The following DDRGK1 variants were observed in gnomAD, a reference collection of about 807,000 sequenced individuals.
The protein encoded by DDRGK1 is DDRGK domain-containing protein 1.
A neutral mutation model predicts 45.8 loss-of-function variants in DDRGK1; 38 were observed. The ratio of observed to expected loss-of-function variants is 0.83; its 90% CI spans 0.64 to 1.09. DDRGK1 has a LOEUF of 1.09. DDRGK1 is among the 50% of genes least tolerant of loss of function. The pLI is 0.00. For synonymous variants in DDRGK1, 171 were observed against 168.7 expected (o/e 1.01, Z -0.11); for missense variants, 403 against 419.9 (o/e 0.96, Z 0.35).
intron 4 of DDRGK1, 114 bp from the exon 5 acceptor site, chr20:3,195,467 A>G (rs1439272503): frequency 2.1e-6 from 3 of 1,416,606 alleles, no homozygotes; most frequent in Non-Finnish European, 1.9e-6. Flanking sequence ...CTTTTCTCAG[A>G]GACAGAGCTC....
At position 3,197,091 on chromosome 20, in the gene DDRGK1, C is replaced by T. The variant is rs1334518857; in HGVS notation, c.511-1738G>A. ...TACAAAAATTAGCTGGGTGTGGTGG[C>T]GGGTGCCTGTAATCCCAGCTACTCG... On this transcript the variant is annotated intron_variant, in intron 4 of 8. Transcript: ENST00000354488. Among the ~76,000 whole-genome samples, 3 of 151,412 alleles carry T rather than the reference C, an allele frequency of 2.0e-5. No homozygotes were observed. In the East Asian group the frequency reaches 5.8e-4, roughly 30 times the overall value.
At chr20:3,203,679 G>A (rs1045167643) in intron 1 of DDRGK1, among the ~76,000 whole-genome samples, 23 of 152,228 alleles carry the variant, frequency 1.5e-4, no homozygotes, top group Non-Finnish European at 2.5e-4. Context: ...CCTGTCAGGA[G>A]GCCCCTATCC....
intron 2 of DDRGK1, among the ~76,000 whole-genome samples, chr20:3,202,605 C>A (rs74421789): frequency 2.0e-5 from 3 of 152,156 alleles, no homozygotes; most frequent in Non-Finnish European, 2.9e-5. Context: ...CCAGAAGGTA[C>A]GGCAAAGAAA....
Position 3,200,444 on chromosome 20 carries a change from C to T in DDRGK1, c.306G>A (p.Glu102=). 1 of 1,573,132 alleles carries T rather than the reference C, an allele frequency of 6.4e-7. No individual in the cohort carries two copies. Among genetic ancestry groups the T allele is most frequent in the Non-Finnish European group, 8.6e-7 (1 of 1,158,546 alleles). The change falls in exon 3 of 9, where the codon GAG becomes GAA. Residue 102 remains glutamate (E), a synonymous_variant. Coordinates refer to ENST00000354488, the MANE Select transcript of DDRGK1 (RefSeq NM_023935.3). The part of the protein sequence containing the change: ...EEEAVILAQE[E]EGVEKPAETH... ...TTTCCGCTGGCTTCTCGACACCTTCCTCCTCCTGGGCTGGGTATGGTCAAA... is the reference window on the plus strand; with the variant it reads ...TTTCCGCTGGCTTCTCGACACCTTCTTCCTCCTGGGCTGGGTATGGTCAAA...
chr20:3,200,291 G>A (rs1240702018), intron 3 of DDRGK1, 51 bp downstream of exon 3: 3 of 1,532,210 alleles, frequency 2.0e-6, no homozygotes, highest in Non-Finnish European at 2.7e-6. Context: ...GAAAAAGGAA[G>A]GCAGTGCCCT....
chr20:3,194,046 C>G (rs1042250884), intron 6 of DDRGK1, among the ~76,000 whole-genome samples: 15 of 152,326 alleles, frequency 9.8e-5, no homozygotes, highest in Admixed American at 3.9e-4. Context: ...GCATTTCCCC[C>G]ACTTAAGAAC....
chr20:3,203,517 C>T lies in DDRGK1; in HGVS notation c.92-101G>A, dbSNP rs541969074. 1.2e-5 allele frequency: 17 copies of T among 1,395,632 alleles called. No individual in the cohort carries two copies. The African/African-American group carries it at 2.5e-4, about 21-fold the overall frequency. 86.5% of individuals were successfully genotyped at this position (1,395,632 alleles called of 1,614,324 possible). ...AGCCTCACCTCCTCTGCTTAGCGGC[C>T]TGCTGCCCACAGCACAAGGCCCCGA... is the stretch of plus-strand genomic sequence containing the variant. On this transcript the variant is annotated intron_variant, in intron 1 of 8. Transcript: ENST00000354488.
intron 1 of DDRGK1, 106 bp from the exon 2 acceptor site, chr20:3,203,522 G>A (rs2067051452): frequency 7.2e-7 from 1 of 1,383,012 alleles, no homozygotes; most frequent in Non-Finnish European, 9.5e-7. Context: ...GCGGCCTGCT[G>A]CCCACAGCAC....
chr20:3,192,679 C>T (rs1384050418), intron 6 of DDRGK1, among the ~76,000 whole-genome samples: 1 of 152,182 alleles, frequency 6.6e-6, no homozygotes, highest in Admixed American at 6.5e-5. Flanking sequence ...AAGGGCGCAG[C>T]GAAGGGTCCA....
At chr20:3,203,867 T>C (rs922571122) in intron 1 of DDRGK1, among the ~76,000 whole-genome samples, 22 of 149,620 alleles carry the variant, frequency 1.5e-4, no homozygotes, top group Non-Finnish European at 6.0e-5. Context: ...CTTCCGCTCC[T>C]GGGAGCGCGC....
intron 4 of DDRGK1, among the ~76,000 whole-genome samples, chr20:3,197,748 G>C (rs543723305): frequency 2.0e-5 from 3 of 151,340 alleles, no homozygotes; most frequent in Non-Finnish European, 4.4e-5. Flanking sequence ...TGGCCAATAC[G>C]GTGAAACCCC....
In DDRGK1 at chr20:3,190,547, A is replaced by G; in HGVS notation, c.*106T>C. ...AGCAGTACTCACAGGCCTTTAATCTATAACTGCCTGGCCACACCATCACTT... is the reference window on the plus strand; with the variant it reads ...AGCAGTACTCACAGGCCTTTAATCTGTAACTGCCTGGCCACACCATCACTT... On this transcript the variant is annotated 3_prime_UTR_variant, in exon 9 of 9. Transcript: ENST00000354488. 1 of 1,424,346 alleles carries G rather than the reference A, an allele frequency of 7.0e-7. No individual in the cohort carries two copies. The highest frequency in any genetic ancestry group is 9.6e-7 in the Non-Finnish European group (1 of 1,040,248). The allele number at this position is 1,424,346 out of a possible 1,614,324, so 88.2% of individuals were successfully genotyped here. A position where few individuals can be genotyped will look rare whatever the true frequency, so the allele number is the denominator to read the frequency against.
intron 2 of DDRGK1, 38 bp from the exon 3 acceptor site, chr20:3,200,492 C>T (rs747722386): frequency 2.6e-6 from 4 of 1,536,030 alleles, no homozygotes; most frequent in East Asian, 4.9e-5. Flanking sequence ...AGGTTCTGAC[C>T]AGAGAGGACT....
intron 2 of DDRGK1, 99 bp from the exon 3 acceptor site, chr20:3,200,553 C>T (rs2067032550): frequency 9.5e-7 from 1 of 1,053,626 alleles, no homozygotes; most frequent in Non-Finnish European, 1.4e-6. Context: ...GGGGGATCCC[C>T]TTCCACCCAC....
rs2067005482 is a variant in DDRGK1 at position 3,195,322 on chromosome 20, T to C, written c.542A>G (p.Gln181Arg). ...EEEERKAREEQAQREHEEYLK... is the reference protein window; with the variant it reads ...EEEERKAREERAQREHEEYLK... ...GTACTCCTCATGCTCCCGCTGGGCC[T>C]GCTCCTCGCGGGCCTTCCTCTCCTC... Residue 181 changes from glutamine to arginine, a missense_variant, in exon 5 of 9, where the codon CAG becomes CGG. Gln to Arg is a conservative substitution (Grantham distance 43). Coordinates refer to ENST00000354488, the MANE Select transcript of DDRGK1 (RefSeq NM_023935.3). 1 of 1,609,894 alleles carries C rather than the reference T, an allele frequency of 6.2e-7. No individual in the cohort carries two copies. The highest frequency in any genetic ancestry group is 8.5e-7 in the Non-Finnish European group (1 of 1,177,976).
At chr20:3,191,259 A>G in intron 7 of DDRGK1, 21 bp from the exon 8 acceptor site, 1 of 1,613,880 alleles carries the variant, frequency 6.2e-7, no homozygotes, top group African/African-American at 1.3e-5. Flanking sequence ...AACAACTCTC[A>G]GAATAGAGAT....
intron 7 of DDRGK1, 114 bp downstream of exon 7, chr20:3,191,651 T>G: frequency 8.1e-7 from 1 of 1,229,296 alleles, no homozygotes; most frequent in Non-Finnish European, 1.2e-6. Flanking sequence ...TACTCACTCT[T>G]GGTTGGGGAC....
chr20:3,204,137 G>A (rs558831338), intron 1 of DDRGK1, among the ~76,000 whole-genome samples: 16 of 152,144 alleles, frequency 1.1e-4, no homozygotes, highest in Non-Finnish European at 2.4e-4. Context: ...AAAATATTCA[G>A]ATGCCCCCTT....
At chr20:3,194,276 G>A (rs1299864066) in intron 6 of DDRGK1, among the ~76,000 whole-genome samples, 2 of 152,090 alleles carry the variant, frequency 1.3e-5, no homozygotes, top group Admixed American at 6.6e-5. Context: ...GGCATCCTTC[G>A]TGGGAGAGAA....
Sources: gnomAD v4.1 joint callset for allele counts (sites outside exome capture counted in the v4.1 genomes callset) on GRCh38, gnomAD v4.1.1 for gene constraint, MANE v1.5 for transcripts, NCBI Gene and HGNC (gene_info 2026-07-23, HGNC 2026-07-21) for gene names.